The following CCDC192 variants were observed in gnomAD, a reference collection of about 807,000 sequenced individuals.
CCDC192 encodes coiled-coil domain-containing protein 192.
At chr5:127,927,187 T>C (rs1347683736) in intron 6 of CCDC192, among the ~76,000 whole-genome samples, 1 of 152,156 alleles carries the variant, frequency 6.6e-6, no homozygotes, top group Non-Finnish European at 1.5e-5. Flanking sequence ...AAGTAAACCA[T>C]GGTCTGAAAA....
intron 3 of CCDC192, among the ~76,000 whole-genome samples, chr5:127,765,343 T>A (rs2126897497): frequency 6.6e-6 from 1 of 152,348 alleles, no homozygotes; most frequent in African/African-American, 2.4e-5. Context: ...ATACCACTTT[T>A]TTACTGTTTC....
rs928613042 is a variant in CCDC192, at chr5:127,840,247, C to T, written c.412-35291C>T. ...TCTTGGACTTGACATTCTTAAATAA[C>T]TGGGTAAGAAGTTAAATGTATAAGG... On this transcript the variant is annotated intron_variant, in intron 5 of 6. Coordinates refer to ENST00000514853, the MANE Select transcript of CCDC192 (RefSeq NM_001317938.2). Among the ~76,000 whole-genome samples the T allele has an allele frequency of 7.2e-5, 11 of 152,226 alleles. No homozygotes were observed. The East Asian group carries it at 2.1e-3, about 29-fold the overall frequency.
chr5:127,702,574 C>G (rs1044271646), upstream of CCDC192, among the ~76,000 whole-genome samples: 2 of 152,210 alleles, frequency 1.3e-5, no homozygotes, highest in Non-Finnish European at 2.9e-5. Context: ...CTATAATGCT[C>G]TAACCCTAGA....
At chr5:127,779,954 G>A (rs1756098329) in intron 3 of CCDC192, among the ~76,000 whole-genome samples, 1 of 151,576 alleles carries the variant, frequency 6.6e-6, no homozygotes, top group Admixed American at 6.6e-5. Context: ...TCATAGCTTA[G>A]CTCCCATGTA....
chr5:127,936,438 C>T (rs949010528), intron 6 of CCDC192, among the ~76,000 whole-genome samples: 5 of 152,148 alleles, frequency 3.3e-5, no homozygotes, highest in African/African-American at 4.8e-5. Context: ...CTGGGTCAGC[C>T]GAAGGCAGAA....
chr5:127,910,079 A>G (rs1289760187), intron 6 of CCDC192, among the ~76,000 whole-genome samples: 2 of 152,242 alleles, frequency 1.3e-5, no homozygotes, highest in East Asian at 3.8e-4. Flanking sequence ...GAAGATGAAA[A>G]CAATCAGAAT....
intron 6 of CCDC192, among the ~76,000 whole-genome samples, chr5:127,888,817 A>G (rs1189278629): frequency 6.6e-6 from 1 of 152,218 alleles, no homozygotes; most frequent in African/African-American, 2.4e-5. Context: ...CAGACCTTAT[A>G]TAATCCATCT....
At chr5:127,920,501 C>T (rs111579411) in intron 6 of CCDC192, among the ~76,000 whole-genome samples, 10,541 of 150,576 alleles carry the variant, frequency 0.07, 856 homozygotes, top group East Asian at 0.31. Context: ...CTCTGCCCTC[C>T]TGGGTTCAAG....
chr5:127,757,798 A>ACACACACACACT (rs1491447075), intron 3 of CCDC192, among the ~76,000 whole-genome samples: 4 of 117,242 alleles, frequency 3.4e-5, no homozygotes, highest in African/African-American at 1.5e-4. Flanking sequence ...ACACACACAC[A>ACACACACACACT]CTCTCTCTCT....
At chr5:127,799,710 A>G (rs563312837) in intron 5 of CCDC192, among the ~76,000 whole-genome samples, 26 of 152,236 alleles carry the variant, frequency 1.7e-4, no homozygotes, top group African/African-American at 6.3e-4. Context: ...TTCACTGCCT[A>G]GTTACTATGG....
rs1749195052 is a variant in CCDC192, at chr5:127,819,705, A to C, written c.411+21543A>C. On this transcript the variant is annotated intron_variant, in intron 5 of 6. Transcript: ENST00000514853. ...TTATAGATTGCACCATAGATTCTGA[A>C]ATCCTTTCATGAAGAAGTTTGCTCT... Among the ~76,000 whole-genome samples the C allele has an allele frequency of 4.6e-5, 7 of 152,116 alleles. No individual in the cohort carries two copies. The South Asian group carries it at 1.4e-3, about 31-fold the overall frequency.
intron 3 of CCDC192, chr5:127,784,670 T>C: frequency 5.5e-6 from 4 of 726,882 alleles, no homozygotes; most frequent in Non-Finnish European, 9.4e-6. Flanking sequence ...AAATATTCTT[T>C]CTCAATTAGA....
At chr5:127,732,523 A>G (rs983351718) in intron 2 of CCDC192, among the ~76,000 whole-genome samples, 3 of 152,002 alleles carry the variant, frequency 2.0e-5, no homozygotes, top group Non-Finnish European at 4.4e-5. Flanking sequence ...AAATCATTCT[A>G]TTATAAAGAT....
At chr5:127,741,062 T>C (rs527818097) in intron 2 of CCDC192, among the ~76,000 whole-genome samples, 26 of 152,302 alleles carry the variant, frequency 1.7e-4, no homozygotes, top group South Asian at 6.2e-4. Flanking sequence ...TTAGTTGTTG[T>C]TGTCGTCATT....
intron 3 of CCDC192, among the ~76,000 whole-genome samples, chr5:127,759,015 G>C (rs556773885): frequency 1.6e-4 from 25 of 152,344 alleles, no homozygotes; most frequent in African/African-American, 5.5e-4. Context: ...TGTTAGCCCA[G>C]AGTCTCTCCC....
At chr5:127,767,953 A>G (rs981524410) in intron 3 of CCDC192, among the ~76,000 whole-genome samples, 2 of 152,130 alleles carry the variant, frequency 1.3e-5, no homozygotes, top group African/African-American at 4.8e-5. Context: ...TTGCACATGT[A>G]AGTAGTAAAG....
In CCDC192 at chr5:127,816,413, G is replaced by A. The variant is rs201875304; in HGVS notation, c.411+18251G>A. ...AGTGGGGCTTCTAAGGTAGAGTCCTGTGATATCAGTCATGTTCTTGTTTTA... is the reference window on the plus strand; with the variant it reads ...AGTGGGGCTTCTAAGGTAGAGTCCTATGATATCAGTCATGTTCTTGTTTTA... On this transcript the variant is annotated intron_variant, in intron 5 of 6. Transcript: ENST00000514853. Among the ~76,000 whole-genome samples, 5 of 152,300 alleles carry A rather than the reference G, an allele frequency of 3.3e-5. No homozygotes were observed. The East Asian group carries it at 9.6e-4, about 29-fold the overall frequency.
chr5:127,915,621 T>A (rs1474750421), intron 6 of CCDC192, among the ~76,000 whole-genome samples: 2 of 152,226 alleles, frequency 1.3e-5, no homozygotes, highest in Non-Finnish European at 2.9e-5. Flanking sequence ...GACCTCGTGA[T>A]CCACCCGCCT....
At chr5:127,791,939 T>C (rs1756886456) in intron 3 of CCDC192, among the ~76,000 whole-genome samples, 1 of 152,126 alleles carries the variant, frequency 6.6e-6, no homozygotes, top group African/African-American at 2.4e-5. Flanking sequence ...AGAAACCATG[T>C]GCAAAGTAGT....
Sources: gnomAD v4.1 joint callset for allele counts (sites outside exome capture counted in the v4.1 genomes callset) on GRCh38, gnomAD v4.1.1 for gene constraint, MANE v1.5 for transcripts, NCBI Gene and HGNC (gene_info 2026-07-23, HGNC 2026-07-21) for gene names.